Variants in DSCAML1 observed in about 807,000 individuals in gnomAD.
The protein encoded by DSCAML1 is DS cell adhesion molecule like 1.
A neutral mutation model predicts 200.5 loss-of-function variants in DSCAML1; 38 were observed. The observed-to-expected ratio is 0.19, with a 90% CI of 0.15 to 0.25. The LOEUF (loss-of-function observed/expected upper bound fraction) is 0.25. Among genes scored for constraint, DSCAML1 ranks in the 10% least tolerant of loss-of-function variants. DSCAML1 has a pLI of 1.00. For missense variants in DSCAML1, 2,223 were observed against 2,858.8 expected (o/e 0.78, Z 5.07); for synonymous variants, 1,215 against 1,165.0 (o/e 1.04, Z -0.87).
At chr11:117,741,386 A>G (rs958081949) in intron 3 of DSCAML1, among the ~76,000 whole-genome samples, 3 of 152,264 alleles carry the variant, frequency 2.0e-5, no homozygotes, top group Non-Finnish European at 1.5e-5. Flanking sequence ...GCCAGAGGTT[A>G]AAGACAATGG....
intron 20 of DSCAML1, among the ~76,000 whole-genome samples, chr11:117,449,475 G>A (rs1250419967): frequency 6.6e-6 from 1 of 151,982 alleles, no homozygotes; most frequent in Non-Finnish European, 1.5e-5. Flanking sequence ...AAGACCACAG[G>A]AAAGCAGAGA....
At chr11:117,728,934 A>G (rs1369469972) in intron 3 of DSCAML1, among the ~76,000 whole-genome samples, 2 of 152,248 alleles carry the variant, frequency 1.3e-5, no homozygotes, top group Non-Finnish European at 2.9e-5. Context: ...AAAAGTGTGT[A>G]AAGAATTGCA....
intron 6 of DSCAML1, among the ~76,000 whole-genome samples, chr11:117,520,162 G>A (rs576504306): frequency 5.3e-5 from 8 of 152,312 alleles, no homozygotes; most frequent in Middle Eastern, 3.4e-3. Context: ...TCCTCTGTGT[G>A]GGCACAGCCC....
intron 3 of DSCAML1, among the ~76,000 whole-genome samples, chr11:117,717,909 G>A (rs2053980085): frequency 6.6e-6 from 1 of 152,188 alleles, no homozygotes; most frequent in South Asian, 2.1e-4. Context: ...CTAGTCCCAG[G>A]AGGAAATGAG....
chr11:117,807,791 G>A (rs936934991), intron 1 of DSCAML1, among the ~76,000 whole-genome samples: 1 of 152,160 alleles, frequency 6.6e-6, no homozygotes, highest in East Asian at 1.9e-4. Flanking sequence ...AGCCTGAAGG[G>A]TTTCTCCTTT....
chr11:117,674,889 TG>T (rs1360483013), intron 3 of DSCAML1, among the ~76,000 whole-genome samples: 2 of 152,174 alleles, frequency 1.3e-5, no homozygotes, highest in Admixed American at 6.5e-5. Context: ...CCTGGATGCT[TG>T]TCCTATAGGG....
chr11:117,587,258 C>CT (rs1555187508), intron 3 of DSCAML1, among the ~76,000 whole-genome samples: 19 of 147,560 alleles, frequency 1.3e-4, no homozygotes, highest in Admixed American at 8.1e-4. Flanking sequence ...TTCCAACCCC[C>CT]CCCCACGATT....
At chr11:117,596,330 AC>A (rs2137497531) in intron 3 of DSCAML1, among the ~76,000 whole-genome samples, 1 of 151,572 alleles carries the variant, frequency 6.6e-6, no homozygotes, top group Non-Finnish European at 1.5e-5. Flanking sequence ...AGGAAACACA[AC>A]CTCCCTGGGA....
intron 3 of DSCAML1, among the ~76,000 whole-genome samples, chr11:117,762,350 T>C (rs2054818928): frequency 6.6e-6 from 1 of 151,652 alleles, no homozygotes; most frequent in Admixed American, 6.5e-5. Flanking sequence ...TGAGGTTGTG[T>C]CTGTGACAGT....
chr11:117,554,475 G>T (rs1168495979), intron 3 of DSCAML1, among the ~76,000 whole-genome samples: 1 of 152,084 alleles, frequency 6.6e-6, no homozygotes, highest in Non-Finnish European at 1.5e-5. Context: ...CCGCCTCCTG[G>T]GTTCAAGGGA....
chr11:117,697,819 T>G (rs2137736426), intron 3 of DSCAML1, among the ~76,000 whole-genome samples: 1 of 151,648 alleles, frequency 6.6e-6, no homozygotes, highest in Non-Finnish European at 1.5e-5. Context: ...TCGCCGAGGC[T>G]GGAGTGCAGT....
rs993581934 is a variant in DSCAML1, at chr11:117,428,716, G to A, written c.5774C>T (p.Pro1925Leu). The change falls in exon 33 of 33, where the codon CCC (proline) becomes CTC (leucine). Residue 1925 changes from proline to leucine, a missense_variant. Physicochemically the swap from Pro to Leu is moderately conservative, Grantham distance 98. Around this residue, in one of 7 missense-constraint regions of DSCAML1, gnomAD observed 280 missense variants for 213.4 expected, o/e 1.31. Transcript: ENST00000651296. ...DGREPCPVVP[P>L]REASIRNLAR... is the part of the protein sequence containing the mutation. ...CAGGTTCCGGATGGAGGCCTCACGGGGTGGGACCACGGGGCAGGGCTCACG... is the reference window on the plus strand; with the variant it reads ...CAGGTTCCGGATGGAGGCCTCACGGAGTGGGACCACGGGGCAGGGCTCACG... 5.0e-6 allele frequency: 8 copies of A among 1,613,316 alleles called. No individual in the cohort carries two copies. Among genetic ancestry groups the A allele is most frequent in the Non-Finnish European group, 6.8e-6 (8 of 1,179,774 alleles).
chr11:117,636,115 C>A (rs1278100573), intron 3 of DSCAML1, among the ~76,000 whole-genome samples: 1 of 152,142 alleles, frequency 6.6e-6, no homozygotes, highest in Admixed American at 6.5e-5. Context: ...CTTGCCCTGG[C>A]TGGTGAGGCG....
intron 3 of DSCAML1, among the ~76,000 whole-genome samples, chr11:117,655,455 CAG>C (rs757524286): frequency 1.3e-5 from 2 of 152,148 alleles, no homozygotes; most frequent in Non-Finnish European, 1.5e-5. Context: ...AACAGAAACT[CAG>C]AGAGGTTAAG....
chr11:117,795,055 A>AC (rs2055545240), intron 1 of DSCAML1, among the ~76,000 whole-genome samples: 1 of 151,432 alleles, frequency 6.6e-6, no homozygotes, highest in Non-Finnish European at 1.5e-5. Context: ...GCCTTTCTCC[A>AC]CCCCCAACCC....
rs184076978 is a variant in DSCAML1 at position 117,453,829 on chromosome 11, C to T, written c.3569-3141G>A. ...TGCGATCTTGGCTGACTGCAACCTCCGCCTCCTGGGTTTAAGCAATTCTCT... is the reference window on the plus strand; with the variant it reads ...TGCGATCTTGGCTGACTGCAACCTCTGCCTCCTGGGTTTAAGCAATTCTCT... On this transcript the variant is annotated intron_variant, in intron 19 of 32. Transcript: ENST00000651296. Among the ~76,000 whole-genome samples the T allele has an allele frequency of 1.3e-3, 203 of 151,358 alleles. 1 individual carries two copies. Among genetic ancestry groups the T allele is most frequent in the East Asian group, 3.5e-3 (18 of 5,144 alleles).
chr11:117,768,708 T>C (rs574498148), intron 3 of DSCAML1, among the ~76,000 whole-genome samples: 3 of 152,320 alleles, frequency 2.0e-5, no homozygotes, highest in Non-Finnish European at 4.4e-5. Flanking sequence ...TCCCATTTTA[T>C]AGATGATTAA....
At chr11:117,506,744 A>G (rs1592677329) in intron 8 of DSCAML1, among the ~76,000 whole-genome samples, 1 of 151,938 alleles carries the variant, frequency 6.6e-6, no homozygotes, top group Non-Finnish European at 1.5e-5. Flanking sequence ...GACAGGTGTC[A>G]TTATGTTGGC....
At chr11:117,636,492 C>T (rs1411810707) in intron 3 of DSCAML1, among the ~76,000 whole-genome samples, 1 of 152,204 alleles carries the variant, frequency 6.6e-6, no homozygotes, top group African/African-American at 2.4e-5. Context: ...AAGTAAATGG[C>T]TTCCTATGGG....
Sources: allele counts gnomAD v4.1 joint callset (sites outside exome capture counted in the v4.1 genomes callset), GRCh38; gene constraint gnomAD v4.1.1; regional missense constraint gnomAD v4.1.1; transcripts MANE v1.5; gene names NCBI Gene and HGNC (gene_info 2026-07-23, HGNC 2026-07-21).